PCDHGB6: variants seen among roughly 807,000 people sequenced by gnomAD.
PCDHGB6 encodes protocadherin gamma-B6.
In PCDHGB6, 51 loss-of-function variants were observed where a neutral mutation model predicts 59.1. The ratio of observed to expected loss-of-function variants is 0.86; its 90% confidence interval spans 0.69 to 1.09. PCDHGB6 has a LOEUF of 1.09. Ranked by LOEUF, PCDHGB6 falls within the 50% of genes least tolerant of loss-of-function variation. PCDHGB6 has a pLI of 0.00. For synonymous variants in PCDHGB6, 466 were observed against 495.1 expected (o/e 0.94, Z 0.78); for missense variants, 1,148 against 1,205.1 (o/e 0.95, Z 0.70).
intron 1 of PCDHGB6, chr5:141,423,638 A>G (rs771989468): frequency 2.5e-6 from 4 of 1,598,292 alleles, no homozygotes; most frequent in Non-Finnish European, 3.4e-6. Context: ...ATTTTAGGCA[A>G]ATGTGACCCG....
At position 141,476,591 on chromosome 5, in the gene PCDHGB6, G is replaced by C. The variant is rs200254399; in HGVS notation, c.2419-18216G>C. The C allele has an allele frequency of 6.2e-7, 1 of 1,614,230 alleles. No homozygotes were observed. Among genetic ancestry groups the C allele is most frequent in the East Asian group, 2.2e-5 (1 of 44,870 alleles). On this transcript the variant is annotated intron_variant, in intron 1 of 3. Coordinates refer to ENST00000520790, the MANE Select transcript of PCDHGB6 (RefSeq NM_018926.3). This position sits in a 1 kb window ranked among gnomAD's most constrained non-coding sequence, Gnocchi z 7.6. ...GGGGACGCGCTTTCCGCTCGAGAGCGCGCACGATCCCGATGTGGGAAGCAA... is the reference window on the plus strand; with the variant it reads ...GGGGACGCGCTTTCCGCTCGAGAGCCCGCACGATCCCGATGTGGGAAGCAA...
intron 1 of PCDHGB6, among the ~76,000 whole-genome samples, chr5:141,456,940 G>A (rs1284610928): frequency 6.6e-6 from 1 of 152,138 alleles, no homozygotes; most frequent in Non-Finnish European, 1.5e-5. Context: ...TCCAGCCTGG[G>A]CAACAGAGCA....
chr5:141,412,634 A>G (rs1322492563), intron 1 of PCDHGB6: 1 of 152,256 alleles, frequency 6.6e-6, no homozygotes, highest in African/African-American at 2.4e-5. Flanking sequence ...TTAAATTATA[A>G]GACTTTTCTG....
Position 141,489,779 on chromosome 5 carries a change from T to C in PCDHGB6, c.2419-5028T>C, listed in dbSNP as rs1269302289. 1.9e-6 allele frequency: 3 copies of C among 1,614,168 alleles called. No homozygotes were observed. Among genetic ancestry groups the C allele is most frequent in the Non-Finnish European group, 2.5e-6 (3 of 1,179,996 alleles). On this transcript the variant is annotated intron_variant, in intron 1 of 3. Coordinates refer to ENST00000520790, the MANE Select transcript of PCDHGB6 (RefSeq NM_018926.3). The surrounding 1 kb of genome is among the most constrained non-coding windows in gnomAD (Gnocchi z 4.5). ...CTAAGCCCCAACAGCCACTTCTCTC[T>C]GAATGTGAAGACCCTAAAAGATGGG...
In PCDHGB6 at chr5:141,409,736, G is replaced by A. The variant is rs1053484390; in HGVS notation, c.1534G>A (p.Gly512Arg). The A allele has an allele frequency of 1.9e-6, 3 of 1,613,110 alleles. No individual in the cohort carries two copies. The highest frequency in any genetic ancestry group is 2.5e-6 in the Non-Finnish European group (3 of 1,179,874). Residue 512 changes from glycine (G) to arginine (R), a missense_variant, in exon 1 of 4, where the codon GGG (glycine) becomes AGG (arginine). Physicochemically the swap from Gly to Arg is moderately radical, Grantham distance 125. Transcript: ENST00000520790. ...ATACGTGTCAGTGAGCGCGCAGAGC[G>A]GGGTGGTGTTCGCGCAGCGCGCCTT... is the stretch of plus-strand genomic sequence containing the variant. The part of the protein sequence containing the change: ...SSYVSVSAQS[G>R]VVFAQRAFDH...
At chr5:141,464,134 G>A (rs1270558696) in intron 1 of PCDHGB6, among the ~76,000 whole-genome samples, 1 of 151,944 alleles carries the variant, frequency 6.6e-6, no homozygotes, top group Admixed American at 6.6e-5. Context: ...GTGTGGTGGT[G>A]GGCGCCTGTA....
At chr5:141,427,198 T>G (rs1345851173) in intron 1 of PCDHGB6, 1 of 456,584 alleles carries the variant, frequency 2.2e-6, no homozygotes, top group African/African-American at 2.0e-5. Flanking sequence ...AAAGACTTAA[T>G]AGACTTCGAA....
At chr5:141,508,440 T>C (rs2099868879) in intron 3 of PCDHGB6, among the ~76,000 whole-genome samples, 1 of 152,186 alleles carries the variant, frequency 6.6e-6, no homozygotes, top group African/African-American at 2.4e-5. Context: ...CACAGTTCCT[T>C]AGTGGCAGAG....
rs773126086 is a variant in PCDHGB6 at position 141,487,392 on chromosome 5, G to C, written c.2419-7415G>C. The C allele has an allele frequency of 6.2e-7, 1 of 1,614,176 alleles. No homozygotes were observed. Among genetic ancestry groups the C allele is most frequent in the Non-Finnish European group, 8.5e-7 (1 of 1,180,024 alleles). ...GCCTGTCTCACCAGATCTCGAAGGA[G>C]GGAGGGGCTTCCCCCTTCCAATGGG... On this transcript the variant is annotated intron_variant, in intron 1 of 3. Coordinates refer to ENST00000520790, the MANE Select transcript of PCDHGB6 (RefSeq NM_018926.3). This position sits in a 1 kb window ranked among gnomAD's most constrained non-coding sequence, Gnocchi z 5.0.
At chr5:141,416,913 G>C (rs2096067624) in intron 1 of PCDHGB6, 1 of 151,920 alleles carries the variant, frequency 6.6e-6, no homozygotes, top group South Asian at 2.1e-4. Context: ...ACACTCTTTA[G>C]GGTCATAGTT....
chr5:141,511,010 A>G lies in PCDHGB6; in HGVS notation c.2630A>G (p.Tyr877Cys), dbSNP rs1286219897. 6.2e-6 allele frequency: 10 copies of G among 1,614,054 alleles called. No homozygotes were observed. Among genetic ancestry groups the G allele is most frequent in the African/African-American group, 1.3e-5 (1 of 74,916 alleles). Residue 877 changes from tyrosine to cysteine, a missense_variant, in exon 4 of 4, where the codon TAC becomes TGC. By Grantham distance (194) the Tyr-to-Cys change is radical (BLOSUM62 -2). Coordinates refer to ENST00000520790, the MANE Select transcript of PCDHGB6 (RefSeq NM_018926.3). ...GGCACCATGGGATTGAGCGCCCGCT[A>G]CGGACCCCAGTTCACCCTGCAGCAC... Reference protein sequence around the residue: ...GAGTMGLSARYGPQFTLQHVP... With the variant: ...GAGTMGLSARCGPQFTLQHVP...
At chr5:141,430,729 G>T in intron 1 of PCDHGB6, 1 of 1,499,360 alleles carries the variant, frequency 6.7e-7, no homozygotes, top group East Asian at 2.3e-5. Flanking sequence ...GTTAAGGGCA[G>T]AATTGAAAAT....
At chr5:141,415,479 A>G (rs750765604) in intron 1 of PCDHGB6, 19 of 1,613,988 alleles carry the variant, frequency 1.2e-5, no homozygotes, top group South Asian at 2.2e-5. Flanking sequence ...CGGACTCGCG[A>G]AAGAGTCACC....
rs750804901 is a variant in PCDHGB6 at position 141,476,422 on chromosome 5, C to G, written c.2419-18385C>G. On this transcript the variant is annotated intron_variant, in intron 1 of 3. Coordinates refer to ENST00000520790, the MANE Select transcript of PCDHGB6 (RefSeq NM_018926.3). The surrounding 1 kb of genome is among the most constrained non-coding windows in gnomAD (Gnocchi z 7.6). ...GAGAGGAGCTGTGTGGGACACTGCC[C>G]TCTTGCACTGTAACTCTGGAGTTGG... 17 of 1,614,026 alleles carry G rather than the reference C, an allele frequency of 1.1e-5. No individual in the cohort carries two copies. The highest frequency in any genetic ancestry group is 1.4e-5 in the Non-Finnish European group (17 of 1,180,030).
At chr5:141,470,025 A>T (rs2099219670) in intron 1 of PCDHGB6, among the ~76,000 whole-genome samples, 1 of 152,156 alleles carries the variant, frequency 6.6e-6, no homozygotes, top group African/African-American at 2.4e-5. Context: ...GCTACTCGGG[A>T]TGCTGAGGCG....
rs1438257730 is a variant in PCDHGB6, at chr5:141,477,587, C to G, written c.2419-17220C>G. 4.3e-6 allele frequency: 7 copies of G among 1,614,094 alleles called. 1 individual carries two copies. In the South Asian group the frequency reaches 7.7e-5, roughly 18 times the overall value. ...GGACCCCGACGCCCCGCAGAATGCT[C>G]GGCTTTCTTTCTTTCTCTTGGAGCA... On this transcript the variant is annotated intron_variant, in intron 1 of 3. Transcript: ENST00000520790. The surrounding 1 kb of genome is among the most constrained non-coding windows in gnomAD (Gnocchi z 4.9).
chr5:141,442,317 A>T (rs1257883989), intron 1 of PCDHGB6: 2 of 152,400 alleles, frequency 1.3e-5, no homozygotes, highest in Admixed American at 6.5e-5. Context: ...ACGGATGTCT[A>T]TCCCGCGCTA....
chr5:141,478,399 T>C, intron 1 of PCDHGB6: 1 of 1,613,514 alleles, frequency 6.2e-7, no homozygotes, highest in South Asian at 1.1e-5. Flanking sequence ...ATCAGGTGTA[T>C]CTCACCACGG....
intron 1 of PCDHGB6, among the ~76,000 whole-genome samples, chr5:141,456,887 C>T (rs112521083): frequency 0.042 from 6,384 of 152,090 alleles, 167 homozygotes; most frequent in Middle Eastern, 0.088. Flanking sequence ...CGCTTGAACC[C>T]GGGAGGCAGA....
Sources: gnomAD v4.1 joint callset for allele counts (sites outside exome capture counted in the v4.1 genomes callset) on GRCh38, gnomAD v4.1.1 for gene constraint, Gnocchi (gnomAD v3.1) non-coding constraint, MANE v1.5 for transcripts, NCBI Gene and HGNC (gene_info 2026-07-23, HGNC 2026-07-21) for gene names.